The following VRK2 variants were observed in gnomAD, a reference collection of about 807,000 sequenced individuals.
VRK2 encodes the protein VRK serine/threonine kinase 2.
A neutral mutation model predicts 57.6 loss-of-function variants in VRK2; 60 were observed. The observed-to-expected ratio is 1.04, with a 90% confidence interval of 0.85 to 1.29. The LOEUF is 1.29. VRK2 is among the 50% of genes most tolerant of loss of function. VRK2 has a pLI of 0.00. For missense variants in VRK2, 705 were observed against 588.1 expected (o/e 1.20, Z -2.06); for synonymous variants, 231 against 199.2 (o/e 1.16, Z -1.35).
At chr2:58,090,765 TGTA>T (rs1475164519) in intron 7 of VRK2, among the ~76,000 whole-genome samples, 1 of 152,220 alleles carries the variant, frequency 6.6e-6, no homozygotes, top group Non-Finnish European at 1.5e-5. Context: ...CGTGAATGCT[TGTA>T]GTCGGTTTAT....
chr2:57,923,419 A>G (rs905689539), intron 1 of VRK2, among the ~76,000 whole-genome samples: 2 of 151,946 alleles, frequency 1.3e-5, no homozygotes, highest in African/African-American at 4.8e-5. Context: ...GATAAAAGTC[A>G]TTTTAACTGA....
At chr2:58,134,178 A>G (rs1679627619) in intron 9 of VRK2, among the ~76,000 whole-genome samples, 4 of 152,032 alleles carry the variant, frequency 2.6e-5, no homozygotes, top group Admixed American at 2.0e-4. Context: ...CTCTTCCCCA[A>G]AGCGGGTTAT....
chr2:57,931,752 C>T (rs1390408917), intron 1 of VRK2, among the ~76,000 whole-genome samples: 7 of 151,116 alleles, frequency 4.6e-5, no homozygotes, highest in Non-Finnish European at 5.9e-5. Context: ...CAATCTTGTG[C>T]TTCAGTTCTC....
intron 7 of VRK2, among the ~76,000 whole-genome samples, chr2:58,097,019 G>A (rs1009526732): frequency 6.6e-6 from 1 of 151,892 alleles, no homozygotes; most frequent in Non-Finnish European, 1.5e-5. Context: ...ATATTATTAT[G>A]ATATTGTTTA....
At chr2:57,960,308 C>T (rs933868463) in intron 1 of VRK2, among the ~76,000 whole-genome samples, 2 of 152,148 alleles carry the variant, frequency 1.3e-5, no homozygotes, top group Non-Finnish European at 1.5e-5. Context: ...ACATGTTATA[C>T]TCCAACCCTC....
intron 10 of VRK2, among the ~76,000 whole-genome samples, chr2:58,138,421 G>T (rs1680852906): frequency 6.6e-6 from 1 of 152,158 alleles, no homozygotes; most frequent in Non-Finnish European, 1.5e-5. Flanking sequence ...AATTGCTACA[G>T]TGTCAAGGAA....
upstream of VRK2, among the ~76,000 whole-genome samples, chr2:58,045,401 C>T (rs967205851): frequency 4.0e-5 from 6 of 151,848 alleles, no homozygotes. Flanking sequence ...AAAAGGGAGC[C>T]GGGGAAGTGG....
chr2:57,939,568 TG>T (rs533239482), intron 1 of VRK2, among the ~76,000 whole-genome samples: 150 of 152,022 alleles, frequency 9.9e-4, no homozygotes, highest in African/African-American at 3.5e-3. Context: ...TTGGTTTATA[TG>T]TTTTTTTCCA....
intron 1 of VRK2, among the ~76,000 whole-genome samples, chr2:57,948,793 A>T (rs1205731034): frequency 1.3e-5 from 2 of 152,132 alleles, no homozygotes; most frequent in Non-Finnish European, 2.9e-5. Context: ...ATGGGAAAAG[A>T]GGGCAGAAAG....
intron 1 of VRK2, among the ~76,000 whole-genome samples, chr2:57,984,382 A>G (rs1414330615): frequency 1.3e-5 from 2 of 152,144 alleles, no homozygotes; most frequent in African/African-American, 4.8e-5. Flanking sequence ...GTATGTTAAG[A>G]GAAAAATACT....
chr2:58,136,928 A>G (rs1220966337), intron 10 of VRK2, among the ~76,000 whole-genome samples: 1 of 133,480 alleles, frequency 7.5e-6, no homozygotes, highest in African/African-American at 3.0e-5. Flanking sequence ...ATATGTGTAT[A>G]TATCATATAT....
At chr2:58,114,569 G>C (rs575137945) in intron 7 of VRK2, among the ~76,000 whole-genome samples, 6,345 of 152,050 alleles carry the variant, frequency 0.042, 365 homozygotes, top group African/African-American at 0.14. Flanking sequence ...AAGCGAAAGT[G>C]GTAAAAGTAT....
chr2:57,913,826 T>A (rs1558489597), intron 1 of VRK2, among the ~76,000 whole-genome samples: 1 of 152,108 alleles, frequency 6.6e-6, no homozygotes, highest in East Asian at 1.9e-4. Context: ...ACTGTTTCTA[T>A]ATCATATTTC....
At chr2:58,057,539 A>T (rs188757395) in intron 2 of VRK2, among the ~76,000 whole-genome samples, 45 of 152,286 alleles carry the variant, frequency 3.0e-4, no homozygotes, top group Non-Finnish European at 4.4e-5. Flanking sequence ...AGTAGTATTT[A>T]ATTGAAGTAG....
chr2:58,091,266 C>T (rs893926446), intron 7 of VRK2, among the ~76,000 whole-genome samples: 2 of 152,136 alleles, frequency 1.3e-5, no homozygotes, highest in Admixed American at 1.3e-4. Flanking sequence ...ATGTGCTACT[C>T]TAGTGAGGGA....
rs569296604 is a variant in VRK2, at chr2:57,922,593, AT to A, written c.-439+14762del. On this transcript the variant is annotated intron_variant, in intron 1 of 15. Transcript: ENST00000417641. Reference sequence around the variant, plus strand: ...ATATTCTTTTCACAATTAGTATACAATTTTTTTTAGATTTTAATTTTTGTGG... The same window carrying A: ...ATATTCTTTTCACAATTAGTATACAATTTTTTTAGATTTTAATTTTTGTGG... 3.6e-4 allele frequency among the ~76,000 whole-genome samples: 54 copies of A among 151,476 alleles called. 1 individual carries two copies. In the South Asian group the frequency reaches 0.01, roughly 29 times the overall value.
At chr2:57,991,739 A>G (rs1305920814) in intron 1 of VRK2, among the ~76,000 whole-genome samples, 1 of 151,548 alleles carries the variant, frequency 6.6e-6, no homozygotes, top group Non-Finnish European at 1.5e-5. Flanking sequence ...CACGAGGTCT[A>G]GATCGAGACT....
At chr2:58,095,984 G>T (rs548017998) in intron 7 of VRK2, among the ~76,000 whole-genome samples, 49 of 152,168 alleles carry the variant, frequency 3.2e-4, no homozygotes, top group African/African-American at 9.6e-4. Flanking sequence ...TTATGTTCTT[G>T]AATGTGTTTT....
chr2:57,950,961 G>A (rs1558509192), intron 1 of VRK2, among the ~76,000 whole-genome samples: 2 of 152,006 alleles, frequency 1.3e-5, no homozygotes, highest in African/African-American at 4.8e-5. Context: ...GCATGGTGGT[G>A]TGTGCCTGTA....
Sources: allele counts gnomAD v4.1 joint callset (sites outside exome capture counted in the v4.1 genomes callset), GRCh38; gene constraint gnomAD v4.1.1; transcripts MANE v1.5; gene names NCBI Gene and HGNC (gene_info 2026-07-23, HGNC 2026-07-21).